PEAK1: variants seen among roughly 807,000 people sequenced by gnomAD.
PEAK1 encodes the protein inactive tyrosine-protein kinase PEAK1.
A neutral mutation model predicts 124.7 loss-of-function variants in PEAK1; 54 were observed. The ratio of observed to expected loss-of-function variants is 0.43; its 90% CI spans 0.35 to 0.54. PEAK1 has a LOEUF of 0.54. Among genes scored for constraint, PEAK1 ranks in the 20% least tolerant of loss-of-function variants. The probability of loss-of-function intolerance (pLI) is 0.01; values close to 1 mark genes in which losing one functional copy is unlikely to be tolerated. For missense variants in PEAK1, 2,046 were observed against 2,134.5 expected (o/e 0.96, Z 0.82); for synonymous variants, 719 against 760.0 (o/e 0.95, Z 0.89).
At chr15:77,386,391 T>C (rs1423033357) in intron 1 of PEAK1, among the ~76,000 whole-genome samples, 1 of 152,230 alleles carries the variant, frequency 6.6e-6, no homozygotes, top group Non-Finnish European at 1.5e-5. Flanking sequence ...ATTTCTAGTT[T>C]GGAAACAATC....
intron 8 of PEAK1, among the ~76,000 whole-genome samples, chr15:77,139,375 A>C (rs570433470): frequency 6.6e-6 from 1 of 152,358 alleles, no homozygotes; most frequent in Admixed American, 6.5e-5. Context: ...GAAAATGCAC[A>C]AACCAGTAAC....
intron 7 of PEAK1, among the ~76,000 whole-genome samples, chr15:77,173,911 C>G (rs1008039996): frequency 1.1e-4 from 16 of 152,180 alleles, no homozygotes; most frequent in African/African-American, 3.9e-4. Flanking sequence ...AGCATTTATC[C>G]ATTGAGGGTA....
At chr15:77,232,743 T>G (rs913066944) in intron 6 of PEAK1, among the ~76,000 whole-genome samples, 3 of 152,162 alleles carry the variant, frequency 2.0e-5, no homozygotes, top group African/African-American at 7.2e-5. Context: ...AATACCTTTC[T>G]TCTCTCTCTG....
intron 2 of PEAK1, among the ~76,000 whole-genome samples, chr15:77,323,585 A>T (rs1338551225): frequency 6.6e-6 from 1 of 152,210 alleles, no homozygotes; most frequent in Admixed American, 6.5e-5. Flanking sequence ...AGGGACGTGA[A>T]GGACCTCTTC....
intron 6 of PEAK1, among the ~76,000 whole-genome samples, chr15:77,221,191 A>G (rs1299074354): frequency 2.0e-5 from 3 of 152,146 alleles, no homozygotes; most frequent in Non-Finnish European, 2.9e-5. Flanking sequence ...CTGTCATTGC[A>G]GTCGTGAATG....
At position 77,319,509 on chromosome 15, in the gene PEAK1, T is replaced by C. The variant is rs547405804; in HGVS notation, c.-602-33005A>G. 9.9e-5 allele frequency among the ~76,000 whole-genome samples: 15 copies of C among 152,250 alleles called. No homozygotes were observed. The East Asian group carries it at 2.9e-3, about 29-fold the overall frequency. On this transcript the variant is annotated intron_variant, in intron 2 of 9. Transcript: ENST00000682557. The stretch of plus-strand genomic sequence containing the variant: ...GTAACTGCCAGACAGGAAATTTCTG[T>C]TGGATGCAGAGAAGATTCTAGGAGT...
chr15:77,364,843 T>C (rs989372914), intron 2 of PEAK1, among the ~76,000 whole-genome samples: 16 of 152,312 alleles, frequency 1.1e-4, no homozygotes, highest in African/African-American at 3.8e-4. Flanking sequence ...ATGGAAGACT[T>C]GTCTTCAAAA....
intron 6 of PEAK1, among the ~76,000 whole-genome samples, chr15:77,227,835 T>TA (rs879308454): frequency 5.2e-4 from 76 of 145,080 alleles, no homozygotes; most frequent in Non-Finnish European, 6.1e-4. Flanking sequence ...CCAGGTCAAC[T>TA]AAAAAAAAAA....
At position 77,315,272 on chromosome 15, in the gene PEAK1, G is replaced by A. The variant is rs540661642; in HGVS notation, c.-602-28768C>T. Reference sequence around the variant, plus strand: ...CTTTCATTTAATATATCAATATTGGGCCTAAAACAGTATTCTGTAAAGCTT... The same window carrying A: ...CTTTCATTTAATATATCAATATTGGACCTAAAACAGTATTCTGTAAAGCTT... On this transcript the variant is annotated intron_variant, in intron 2 of 9. Transcript: ENST00000682557. Among the ~76,000 whole-genome samples, 5 of 152,054 alleles carry A rather than the reference G, an allele frequency of 3.3e-5. No individual in the cohort carries two copies. The East Asian group carries it at 9.7e-4, about 29-fold the overall frequency.
At chr15:77,205,082 A>G (rs1294963257) in intron 6 of PEAK1, 3 of 223,126 alleles carry the variant, frequency 1.3e-5, no homozygotes, top group African/African-American at 2.4e-5. Flanking sequence ...CCAGAGAGAA[A>G]GAAGCCAAGT....
At chr15:77,379,366 G>A (rs2069292112) in intron 1 of PEAK1, among the ~76,000 whole-genome samples, 1 of 152,128 alleles carries the variant, frequency 6.6e-6, no homozygotes, top group Non-Finnish European at 1.5e-5. Flanking sequence ...AGAGCTCATT[G>A]AAGAATAAAA....
At chr15:77,364,199 A>G (rs563033045) in intron 2 of PEAK1, among the ~76,000 whole-genome samples, 1 of 152,298 alleles carries the variant, frequency 6.6e-6, no homozygotes, top group Admixed American at 6.5e-5. Flanking sequence ...CATCTCAAAG[A>G]AAAAAATGAG....
intron 2 of PEAK1, among the ~76,000 whole-genome samples, chr15:77,304,428 T>C (rs2063959255): frequency 6.6e-6 from 1 of 150,922 alleles, no homozygotes; most frequent in Non-Finnish European, 1.5e-5. Flanking sequence ...CTGTAGCTCC[T>C]AGCTCCTGTA....
At chr15:77,135,221 ATTG>A (rs751116544) in intron 8 of PEAK1, among the ~76,000 whole-genome samples, 1 of 152,172 alleles carries the variant, frequency 6.6e-6, no homozygotes, top group Non-Finnish European at 1.5e-5. Context: ...TTCTCCTACT[ATTG>A]TTCATATAGA....
intron 1 of PEAK1, among the ~76,000 whole-genome samples, chr15:77,379,397 G>T (rs1393054528): frequency 6.6e-6 from 1 of 152,122 alleles, no homozygotes; most frequent in Non-Finnish European, 1.5e-5. Context: ...AGTCTTTAAA[G>T]AAACTATCTA....
chr15:77,141,160 A>C (rs1021648659), intron 8 of PEAK1, among the ~76,000 whole-genome samples: 5 of 152,238 alleles, frequency 3.3e-5, no homozygotes, highest in Admixed American at 2.0e-4. Context: ...TCCACACACA[A>C]AAAAACTATT....
intron 6 of PEAK1, among the ~76,000 whole-genome samples, chr15:77,213,919 C>T (rs1439486202): frequency 5.9e-5 from 9 of 152,072 alleles, no homozygotes; most frequent in Admixed American, 5.9e-4. Flanking sequence ...CCTTGTGTCC[C>T]TTTGCACTTG....
In PEAK1 at chr15:77,114,210, A is replaced by C; in HGVS notation, c.5187T>G (p.Ala1729=). 1.9e-6 allele frequency: 3 copies of C among 1,614,242 alleles called. No homozygotes were observed. The highest frequency in any genetic ancestry group is 2.5e-6 in the Non-Finnish European group (3 of 1,180,032). The change falls in exon 10 of 10, where the codon GCT becomes GCG. Residue 1729 remains alanine, a synonymous_variant. Coordinates refer to ENST00000682557, the MANE Select transcript of PEAK1 (RefSeq NM_001385026.1). Reference sequence around the variant, plus strand: ...AACTGAGGGAGTCTGTAGTGGCAAAAGCCAAATACTGAGCACAAAGCCAGT... The same window carrying C: ...AACTGAGGGAGTCTGTAGTGGCAAACGCCAAATACTGAGCACAAAGCCAGT... ...LEDWLCAQYL[A]FATTDSLSCI... is the part of the protein sequence containing the mutation.
chr15:77,312,287 A>T (rs79564078), intron 2 of PEAK1, among the ~76,000 whole-genome samples: 4,622 of 152,282 alleles, frequency 0.03, 87 homozygotes, highest in East Asian at 0.076. Context: ...ACTATATTCC[A>T]TTTTTAATTA....
Sources: allele counts gnomAD v4.1 joint callset (sites outside exome capture counted in the v4.1 genomes callset), GRCh38; gene constraint gnomAD v4.1.1; transcripts MANE v1.5; gene names NCBI Gene and HGNC (gene_info 2026-07-23, HGNC 2026-07-21).